GRIP1: variants seen among roughly 807,000 people sequenced by gnomAD.
GRIP1 encodes glutamate receptor interacting protein 1.
GRIP1 carries 45 observed loss-of-function variants against 129.9 expected under a neutral mutation model. The ratio of observed to expected loss-of-function variants is 0.35; its 90% CI spans 0.27 to 0.44. The LOEUF is 0.44. Ranked by LOEUF, GRIP1 falls within the 20% of genes least tolerant of loss-of-function variation. GRIP1 has a pLI of 1.00. For missense variants in GRIP1, 1,196 were observed against 1,396.8 expected, an observed-to-expected ratio of 0.86 and a Z score of 2.29; for synonymous variants, 530 against 520.8, an observed-to-expected ratio of 1.02 and a Z score of -0.24.
chr12:66,456,728 T>C (rs1264794369), intron 9 of GRIP1, among the ~76,000 whole-genome samples: 1 of 152,064 alleles, frequency 6.6e-6, no homozygotes, highest in Non-Finnish European at 1.5e-5. Context: ...GATTTGCAAA[T>C]CTTGGCCAGT....
At chr12:66,711,164 G>A (rs2035700075) in intron 1 of GRIP1, among the ~76,000 whole-genome samples, 1 of 151,794 alleles carries the variant, frequency 6.6e-6, no homozygotes, top group South Asian at 2.1e-4. Context: ...CTTGCTATTA[G>A]AAAAGTCTTT....
At chr12:66,451,598 C>G (rs1264162320) in intron 11 of GRIP1, among the ~76,000 whole-genome samples, 1 of 151,484 alleles carries the variant, frequency 6.6e-6, no homozygotes, top group Non-Finnish European at 1.5e-5. Flanking sequence ...TTTGTAGAGA[C>G]AGGGTTTCAC....
intron 1 of GRIP1, among the ~76,000 whole-genome samples, chr12:66,887,451 T>A (rs1385924616): frequency 6.6e-6 from 1 of 152,236 alleles, no homozygotes; most frequent in African/African-American, 2.4e-5. Flanking sequence ...CTTAAGGCAC[T>A]TAAAATACTG....
intron 2 of GRIP1, among the ~76,000 whole-genome samples, chr12:66,574,312 T>C (rs1472297393): frequency 6.6e-6 from 1 of 152,242 alleles, no homozygotes; most frequent in Admixed American, 6.5e-5. Context: ...TAGTGTAAGA[T>C]TCCAATGAGA....
chr12:67,006,240 A>C lies in GRIP1; in HGVS notation c.58+62810T>G, dbSNP rs144943022. Among the ~76,000 whole-genome samples the C allele has an allele frequency of 3.1e-4, 47 of 152,310 alleles. No homozygotes were observed. In the East Asian group the frequency reaches 9.1e-3, roughly 29 times the overall value. ...ACTTTCCCAACAGCTGCCTGTGTCC[A>C]GTCAAGTAGGCTGCTAGGCACCAAC... On this transcript the variant is annotated intron_variant, in intron 1 of 1. Transcript: ENST00000643019.
At chr12:66,643,958 G>T (rs2032147774) in intron 1 of GRIP1, among the ~76,000 whole-genome samples, 1 of 152,136 alleles carries the variant, frequency 6.6e-6, no homozygotes, top group Admixed American at 6.6e-5. Context: ...CCAGAGACTG[G>T]GAAGAAAAAG....
intron 1 of GRIP1, among the ~76,000 whole-genome samples, chr12:66,725,213 G>C (rs1015414207): frequency 6.6e-6 from 1 of 152,024 alleles, no homozygotes; most frequent in African/African-American, 2.4e-5. Context: ...GAGGTAAGAG[G>C]ATCACTTGGG....
chr12:66,858,002 G>C (rs754438043), intron 1 of GRIP1, among the ~76,000 whole-genome samples: 12 of 151,908 alleles, frequency 7.9e-5, no homozygotes, highest in African/African-American at 1.4e-4. Flanking sequence ...GGAGTGTGAG[G>C]TTTATAGAGG....
At chr12:66,604,529 A>G (rs1052254706) in intron 1 of GRIP1, among the ~76,000 whole-genome samples, 1 of 152,352 alleles carries the variant, frequency 6.6e-6, no homozygotes, top group African/African-American at 2.4e-5. Flanking sequence ...TCAGATCCCA[A>G]TTAAAAACAT....
chr12:66,955,174 A>C (rs936400378), intron 1 of GRIP1, among the ~76,000 whole-genome samples: 4 of 152,188 alleles, frequency 2.6e-5, no homozygotes, highest in African/African-American at 7.2e-5. Flanking sequence ...CTATGAGGAT[A>C]CTGGGACTGG....
intron 1 of GRIP1, among the ~76,000 whole-genome samples, chr12:66,902,943 A>G (rs775057008): frequency 9.2e-5 from 14 of 152,200 alleles, no homozygotes; most frequent in Non-Finnish European, 2.1e-4. Context: ...GTGACAAATT[A>G]GTTGCTAAAT....
chr12:66,405,969 G>A (rs2057175467), intron 16 of GRIP1, among the ~76,000 whole-genome samples: 1 of 152,126 alleles, frequency 6.6e-6, no homozygotes, highest in Non-Finnish European at 1.5e-5. Context: ...TATGCCATAT[G>A]AATACCAATA....
At chr12:67,066,337 T>A (rs891341275) in intron 1 of GRIP1, among the ~76,000 whole-genome samples, 1 of 152,230 alleles carries the variant, frequency 6.6e-6, no homozygotes, top group Non-Finnish European at 1.5e-5. Context: ...AAGGCTAAGA[T>A]ACATACTCCT....
intron 1 of GRIP1, among the ~76,000 whole-genome samples, chr12:67,028,978 G>A (rs1382757346): frequency 6.6e-6 from 1 of 151,984 alleles, no homozygotes; most frequent in Non-Finnish European, 1.5e-5. Flanking sequence ...TTATAAACAT[G>A]AAGTCTTGGG....
chr12:66,747,206 A>T (rs113527099), intron 1 of GRIP1, among the ~76,000 whole-genome samples: 7 of 152,338 alleles, frequency 4.6e-5, no homozygotes, highest in African/African-American at 1.7e-4. Context: ...TAGAAAGAAT[A>T]TAAGGGATTA....
At chr12:67,048,687 C>T (rs992214724) in intron 1 of GRIP1, among the ~76,000 whole-genome samples, 2 of 152,086 alleles carry the variant, frequency 1.3e-5, no homozygotes, top group East Asian at 1.9e-4. Flanking sequence ...GGGAGAAACC[C>T]GAAGGCAGGT....
intron 1 of GRIP1, among the ~76,000 whole-genome samples, chr12:66,844,184 C>T (rs2039772234): frequency 6.6e-6 from 1 of 151,908 alleles, no homozygotes. Context: ...CCAATTAGCA[C>T]ACAAAAATAT....
Position 66,661,824 on chromosome 12 carries a change from T to C in GRIP1, c.55+17026A>G, listed in dbSNP as rs137989234. On this transcript the variant is annotated intron_variant, in intron 1 of 24. Coordinates refer to ENST00000359742, the MANE Select transcript of GRIP1 (RefSeq NM_001366722.1). ...CAACCCATTCTTCTTTCCATCTCTA[T>C]CCTTAAGACATTTTAAGTCAAATGA... Among the ~76,000 whole-genome samples, 4 of 152,278 alleles carry C rather than the reference T, an allele frequency of 2.6e-5. No homozygotes were observed. The East Asian group carries it at 7.7e-4, about 29-fold the overall frequency.
chr12:66,685,200 C>T (rs1431383381), intron 1 of GRIP1, among the ~76,000 whole-genome samples: 2 of 152,168 alleles, frequency 1.3e-5, no homozygotes, highest in Non-Finnish European at 1.5e-5. Flanking sequence ...TGGGTTCTTC[C>T]TCCTAACTCA....
Sources: gnomAD v4.1 joint callset for allele counts (sites outside exome capture counted in the v4.1 genomes callset) on GRCh38, gnomAD v4.1.1 for gene constraint, MANE v1.5 for transcripts, NCBI Gene and HGNC (gene_info 2026-07-23, HGNC 2026-07-21) for gene names.